GK5: variants seen among roughly 807,000 people sequenced by gnomAD.
GK5 encodes the protein ATP:glycerol 3-phosphotransferase 5.
GK5 carries 39 observed loss-of-function variants against 77.3 expected under a neutral mutation model. That is an observed-to-expected ratio of 0.50 (90% CI 0.39 to 0.66). The LOEUF (loss-of-function observed/expected upper bound fraction) is 0.66, where lower values mean the gene tolerates loss of function less well. Ranked by LOEUF, GK5 falls within the 30% of genes least tolerant of loss-of-function variation. The pLI is 0.00. For synonymous variants in GK5, 211 were observed against 208.0 expected (o/e 1.01, Z -0.13); for missense variants, 487 against 633.8 (o/e 0.77, Z 2.49).
intron 3 of GK5, among the ~76,000 whole-genome samples, chr3:142,205,579 T>A (rs2064093448): frequency 6.6e-6 from 1 of 152,176 alleles, no homozygotes; most frequent in African/African-American, 2.4e-5. Flanking sequence ...TCAATCTTAC[T>A]CCTTAAATAC....
chr3:142,184,748 G>T, intron 9 of GK5: 2 of 424,538 alleles, frequency 4.7e-6, no homozygotes, highest in South Asian at 9.8e-5. Context: ...AGGCAGAAGA[G>T]TCACTTGAAC....
chr3:142,182,348 A>T (rs759431634), intron 10 of GK5, among the ~76,000 whole-genome samples: 2 of 151,462 alleles, frequency 1.3e-5, no homozygotes, highest in Non-Finnish European at 2.9e-5. Flanking sequence ...CCTAGTAAGA[A>T]GATTTTTTTT....
At position 142,172,460 on chromosome 3, in the gene GK5, C is replaced by T. The variant is rs774897356; in HGVS notation, c.1144-4G>A. ...CCCAGGGGTCATTTAATGGAGCCTA[C>T]AGTAAGAGATAACAAGAATATATTA... On this transcript the variant is annotated splice_region_variant and splice_polypyrimidine_tract_variant and intron_variant, in intron 12 of 15. Coordinates refer to ENST00000392993, the MANE Select transcript of GK5 (RefSeq NM_001039547.3). 2.0e-6 allele frequency: 3 copies of T among 1,493,434 alleles called. No homozygotes were observed. In the South Asian group the frequency reaches 3.6e-5, roughly 18 times the overall value. 92.5% of individuals were successfully genotyped at this position (1,493,434 alleles called of 1,614,324 possible).
intron 5 of GK5, among the ~76,000 whole-genome samples, chr3:142,193,176 T>C (rs1347906705): frequency 6.6e-6 from 1 of 152,136 alleles, no homozygotes; most frequent in African/African-American, 2.4e-5. Flanking sequence ...CAGCAGAAAC[T>C]GTTGGGGAGT....
chr3:142,195,032 G>A (rs1051054382), intron 5 of GK5, among the ~76,000 whole-genome samples: 4 of 151,842 alleles, frequency 2.6e-5, no homozygotes, highest in Admixed American at 2.6e-4. Context: ...CAGGTTGAAG[G>A]AGTTTCCTTC....
chr3:142,174,870 G>A (rs941253975), intron 12 of GK5, among the ~76,000 whole-genome samples: 2 of 152,138 alleles, frequency 1.3e-5, no homozygotes, highest in African/African-American at 2.4e-5. Context: ...TCATCAATGG[G>A]GGAACTGAAG....
At chr3:142,197,582 A>G (rs1033518129) in intron 5 of GK5, among the ~76,000 whole-genome samples, 4 of 152,222 alleles carry the variant, frequency 2.6e-5, no homozygotes, top group South Asian at 2.1e-4. Flanking sequence ...TCACACTCAG[A>G]TATTACTTAC....
At chr3:142,175,982 TA>T (rs1250689823) in intron 12 of GK5, among the ~76,000 whole-genome samples, 1 of 151,818 alleles carries the variant, frequency 6.6e-6, no homozygotes, top group East Asian at 1.9e-4. Flanking sequence ...AGTAGTTGCC[TA>T]ACCAAACCTT....
In GK5 at chr3:142,198,787, A is replaced by G. The variant is rs756007121; in HGVS notation, c.543+15T>C. On this transcript the variant is annotated intron_variant, in intron 5 of 15. Coordinates refer to ENST00000392993, the MANE Select transcript of GK5 (RefSeq NM_001039547.3). Reference sequence around the variant, plus strand: ...ATACACACATATTTTCCACATACACACAGTATTTTCTTACCTCAGTCAAGT... The same window carrying G: ...ATACACACATATTTTCCACATACACGCAGTATTTTCTTACCTCAGTCAAGT... The G allele has an allele frequency of 1.9e-6, 3 of 1,600,900 alleles. No homozygotes were observed. Among genetic ancestry groups the G allele is most frequent in the South Asian group, 2.3e-5 (2 of 88,208 alleles).
At chr3:142,173,153 A>G (rs1172863772) in intron 12 of GK5, 2 of 432,628 alleles carry the variant, frequency 4.6e-6, no homozygotes, top group East Asian at 1.4e-4. Flanking sequence ...ATGAGCCGTG[A>G]TCGCGTTACT....
At chr3:142,183,986 C>T (rs1406323344) in intron 9 of GK5, among the ~76,000 whole-genome samples, 4 of 151,596 alleles carry the variant, frequency 2.6e-5, no homozygotes, top group South Asian at 2.1e-4. Flanking sequence ...AGGCCAGGCG[C>T]GGTGACTCAC....
chr3:142,187,825 C>T (rs2063793192), intron 5 of GK5, 46 bp from the exon 6 acceptor site: 1 of 1,386,522 alleles, frequency 7.2e-7, no homozygotes, highest in Non-Finnish European at 1.0e-6. Context: ...GGCTAAATTA[C>T]TAAGTGCATG....
intron 12 of GK5, among the ~76,000 whole-genome samples, chr3:142,175,297 C>T (rs2063593319): frequency 6.6e-6 from 1 of 152,200 alleles, no homozygotes; most frequent in South Asian, 2.1e-4. Flanking sequence ...CAGTGTATGG[C>T]TCCCACCCTT....
chr3:142,210,213 AAAT>A (rs964668377), intron 3 of GK5, among the ~76,000 whole-genome samples: 12 of 152,314 alleles, frequency 7.9e-5, no homozygotes, highest in African/African-American at 2.4e-4. Flanking sequence ...ACTGTGAGGA[AAAT>A]AATGTTTCTA....
chr3:142,197,468 C>G (rs1024924371), intron 5 of GK5, among the ~76,000 whole-genome samples: 1 of 152,190 alleles, frequency 6.6e-6, no homozygotes, highest in Non-Finnish European at 1.5e-5. Context: ...CATGATATAT[C>G]TTTTCCACTC....
chr3:142,220,414 C>G (rs2064326619), intron 1 of GK5, among the ~76,000 whole-genome samples: 1 of 152,280 alleles, frequency 6.6e-6, no homozygotes, highest in East Asian at 1.9e-4. Context: ...GGATTACAGG[C>G]GTCAGCCACC....
intron 4 of GK5, among the ~76,000 whole-genome samples, chr3:142,203,366 T>C (rs1227968454): frequency 6.6e-6 from 1 of 152,240 alleles, no homozygotes; most frequent in Non-Finnish European, 1.5e-5. Flanking sequence ...ATTAAATTAA[T>C]ATCATCAAAT....
At position 142,225,463 on chromosome 3, in the gene GK5, C is replaced by G; in HGVS notation, c.-8G>C. The G allele has an allele frequency of 6.2e-7, 1 of 1,600,766 alleles. No individual in the cohort carries two copies. Among genetic ancestry groups the G allele is most frequent in the Non-Finnish European group, 8.5e-7 (1 of 1,177,950 alleles). On this transcript the variant is annotated 5_prime_UTR_variant, in exon 1 of 16. Coordinates refer to ENST00000392993, the MANE Select transcript of GK5 (RefSeq NM_001039547.3). The stretch of plus-strand genomic sequence containing the variant: ...CGTGAGCAGCCCCGACATCCCGATC[C>G]CGCACGCCTCTCCGCTACAGCCGCC...
Position 142,170,513 on chromosome 3 carries a change from T to C in GK5, c.1308-55A>G, listed in dbSNP as rs2063523662. 31 of 1,432,472 alleles carry C rather than the reference T, an allele frequency of 2.2e-5. No homozygotes were observed. The South Asian group carries it at 3.5e-4, about 16-fold the overall frequency. The allele number at this position is 1,432,472 out of a possible 1,614,324, so 88.7% of individuals were successfully genotyped here. On this transcript the variant is annotated intron_variant, in intron 14 of 15. Coordinates refer to ENST00000392993, the MANE Select transcript of GK5 (RefSeq NM_001039547.3). ...TACTACAACAAAAGTATCATTCTTT[T>C]TCAGTGGGCCACATTTTTTTCCTGA...
Sources: allele counts gnomAD v4.1 joint callset (sites outside exome capture counted in the v4.1 genomes callset), GRCh38; gene constraint gnomAD v4.1.1; transcripts MANE v1.5; gene names NCBI Gene and HGNC (gene_info 2026-07-23, HGNC 2026-07-21).